MYO9B: variants seen among roughly 807,000 people sequenced by gnomAD.
MYO9B encodes unconventional myosin-IXb.
MYO9B carries 71 observed loss-of-function variants against 229.5 expected under a neutral mutation model. The observed-to-expected ratio is 0.31, with a 90% CI of 0.26 to 0.38. The LOEUF is 0.38. MYO9B is among the 10% of genes least tolerant of loss of function. The pLI is 1.00. For synonymous variants in MYO9B, 1,185 were observed against 1,235.8 expected (o/e 0.96, Z 0.86); for missense variants, 2,255 against 2,920.5 (o/e 0.77, Z 5.25).
intron 11 of MYO9B, among the ~76,000 whole-genome samples, chr19:17,170,871 G>A (rs1031754912): frequency 1.1e-4 from 16 of 150,848 alleles, no homozygotes; most frequent in Non-Finnish European, 1.8e-4. Flanking sequence ...AGTAGGAGGA[G>A]CTACGTCATC....
At chr19:17,084,743 C>T (rs61172772) in intron 1 of MYO9B, among the ~76,000 whole-genome samples, 3,541 of 151,082 alleles carry the variant, frequency 0.023, 155 homozygotes, top group African/African-American at 0.082. Flanking sequence ...GAAAAACACA[C>T]ACACACACAA....
chr19:17,100,481 A>G (rs917851016), intron 1 of MYO9B, among the ~76,000 whole-genome samples: 1 of 152,180 alleles, frequency 6.6e-6, no homozygotes, highest in Non-Finnish European at 1.5e-5. Flanking sequence ...CTCAAAAACA[A>G]AAAAAGAAAA....
chr19:17,166,413 A>G (rs1453833242), intron 10 of MYO9B, among the ~76,000 whole-genome samples: 2 of 152,128 alleles, frequency 1.3e-5, no homozygotes, highest in East Asian at 3.9e-4. Context: ...CCTGTTTACA[A>G]TCATTCATTT....
At chr19:17,107,308 T>C (rs1397777559) in intron 2 of MYO9B, among the ~76,000 whole-genome samples, 1 of 152,004 alleles carries the variant, frequency 6.6e-6, no homozygotes, top group Non-Finnish European at 1.5e-5. Context: ...TCAGACATTT[T>C]GCCAAATGGG....
rs2057755416 is a variant in MYO9B at position 17,102,569 on chromosome 19, A to G, written c.840+12A>G. The G allele has an allele frequency of 1.5e-5, 23 of 1,563,156 alleles. No homozygotes were observed. Among genetic ancestry groups the G allele is most frequent in the Non-Finnish European group, 2.0e-5 (23 of 1,152,816 alleles). On this transcript the variant is annotated intron_variant, in intron 2 of 39. Coordinates refer to ENST00000682292, the MANE Select transcript of MYO9B (RefSeq NM_004145.4). ...GCCCTGTGCTGGAGGTGAGCGGGGAAGCTGGTCGGTCTGTGGGAGGGGGCA... is the reference window on the plus strand; with the variant it reads ...GCCCTGTGCTGGAGGTGAGCGGGGAGGCTGGTCGGTCTGTGGGAGGGGGCA...
chr19:17,111,045 A>G (rs990714467), intron 2 of MYO9B, among the ~76,000 whole-genome samples: 3 of 152,138 alleles, frequency 2.0e-5, no homozygotes, highest in Non-Finnish European at 2.9e-5. Flanking sequence ...TAGGTCACCT[A>G]GACCACAGTG....
chr19:17,091,641 C>T (rs1188387449), intron 1 of MYO9B, among the ~76,000 whole-genome samples: 1 of 152,166 alleles, frequency 6.6e-6, no homozygotes, highest in African/African-American at 2.4e-5. Flanking sequence ...ATGGTCCCAC[C>T]TGTGGGAGCA....
chr19:17,163,766 T>C (rs1188383656), intron 10 of MYO9B, among the ~76,000 whole-genome samples: 1 of 152,234 alleles, frequency 6.6e-6, no homozygotes, highest in African/African-American at 2.4e-5. Context: ...TCGCATAGTA[T>C]AAAGTCCTCA....
rs779837823 is a variant in MYO9B, at chr19:17,101,671, G to A, written c.-47G>A. The A allele has an allele frequency of 1.7e-4, 259 of 1,503,154 alleles. No individual in the cohort carries two copies. The highest frequency in any genetic ancestry group is 2.0e-4 in the Non-Finnish European group (230 of 1,129,310). The allele number at this position is 1,503,154 out of a possible 1,614,324, so 93.1% of individuals were successfully genotyped here. A position where few individuals can be genotyped will look rare whatever the true frequency, so the allele number is the denominator to read the frequency against. On this transcript the variant is annotated 5_prime_UTR_variant, in exon 2 of 40. Transcript: ENST00000682292. This position sits in a 1 kb window ranked among gnomAD's most constrained non-coding sequence, Gnocchi z 4.7. The stretch of plus-strand genomic sequence containing the variant: ...GACCTCCCTTCTAGCTCCAGGACAC[G>A]CGCGCCCCGAGCCTGGGAGGCATGC...
chr19:17,093,056 G>T (rs944349413), intron 1 of MYO9B, among the ~76,000 whole-genome samples: 11 of 152,174 alleles, frequency 7.2e-5, no homozygotes, highest in African/African-American at 2.7e-4. Context: ...TCTTGGCCAG[G>T]CACTGTGGCT....
At chr19:17,100,538 T>G (rs1220226179) in intron 1 of MYO9B, among the ~76,000 whole-genome samples, 1 of 152,178 alleles carries the variant, frequency 6.6e-6, no homozygotes. Context: ...ACCTTCCTGG[T>G]GTGCTTCTGG....
intron 1 of MYO9B, among the ~76,000 whole-genome samples, chr19:17,084,835 G>A (rs544757713): frequency 2.4e-4 from 37 of 152,130 alleles, no homozygotes; most frequent in Non-Finnish European, 4.3e-4. Flanking sequence ...AACCCGGGAG[G>A]TGGAGGTTGC....
Position 17,202,374 on chromosome 19 carries a change from C to T in MYO9B, c.4836+71C>T, listed in dbSNP as rs571024134. ...ACCCATGCCTCGCCATCCTTAGCCACGCCCACCCATGCCTCACCATGCTTA... is the reference window on the plus strand; with the variant it reads ...ACCCATGCCTCGCCATCCTTAGCCATGCCCACCCATGCCTCACCATGCTTA... On this transcript the variant is annotated intron_variant, in intron 28 of 39. Transcript: ENST00000682292. 5.8e-5 allele frequency: 83 copies of T among 1,433,188 alleles called. No homozygotes were observed. In the African/African-American group the frequency reaches 9.1e-4, roughly 16 times the overall value. 88.8% of individuals were successfully genotyped at this position (1,433,188 alleles called of 1,614,324 possible). A position where few individuals can be genotyped will look rare whatever the true frequency, so the allele number is the denominator to read the frequency against.
chr19:17,142,146 G>A (rs1356005195), intron 2 of MYO9B, among the ~76,000 whole-genome samples: 13 of 146,978 alleles, frequency 8.8e-5, no homozygotes, highest in South Asian at 2.1e-4. Context: ...ACCACTGGGC[G>A]ACAGCAAGAC....
chr19:17,096,783 G>A (rs1279741437), intron 1 of MYO9B, among the ~76,000 whole-genome samples: 1 of 145,794 alleles, frequency 6.9e-6, no homozygotes, highest in East Asian at 2.1e-4. Context: ...TCAGCTCACT[G>A]CAAGCTCCGC....
At chr19:17,088,985 C>T (rs1186344849) in intron 1 of MYO9B, among the ~76,000 whole-genome samples, 1 of 152,162 alleles carries the variant, frequency 6.6e-6, no homozygotes, top group African/African-American at 2.4e-5. Context: ...GCCATATCCC[C>T]ACTTTCTGAA....
chr19:17,197,547 G>T (rs2073059581), intron 22 of MYO9B, among the ~76,000 whole-genome samples: 1 of 152,122 alleles, frequency 6.6e-6, no homozygotes, highest in African/African-American at 2.4e-5. Flanking sequence ...TCACTCTCTG[G>T]GGTGGAGACC....
intron 15 of MYO9B, among the ~76,000 whole-genome samples, chr19:17,183,032 C>T (rs2072878746): frequency 6.6e-6 from 1 of 152,126 alleles, no homozygotes; most frequent in African/African-American, 2.4e-5. Context: ...AGCAGTTCTC[C>T]TGCCTCAGTC....
intron 27 of MYO9B, 35 bp from the exon 28 acceptor site, chr19:17,202,095 C>A (rs761828088): frequency 6.2e-7 from 1 of 1,612,624 alleles, no homozygotes; most frequent in Non-Finnish European, 8.5e-7. Flanking sequence ...CGCCCCTTGC[C>A]CAGGCCTGCA....
Sources: gnomAD v4.1 joint callset for allele counts (sites outside exome capture counted in the v4.1 genomes callset) on GRCh38, gnomAD v4.1.1 for gene constraint, Gnocchi (gnomAD v3.1) non-coding constraint, MANE v1.5 for transcripts, NCBI Gene and HGNC (gene_info 2026-07-23, HGNC 2026-07-21) for gene names.